Variants in RBFOX1 observed in about 807,000 individuals in gnomAD.
RBFOX1 encodes the protein RNA binding protein fox-1 homolog 1.
RBFOX1 carries 8 observed loss-of-function variants against 57.7 expected under a neutral mutation model. The ratio of observed to expected loss-of-function variants is 0.14; its 90% CI spans 0.08 to 0.25. The LOEUF (loss-of-function observed/expected upper bound fraction) is 0.25. RBFOX1 is among the 10% of genes least tolerant of loss of function. The probability of loss-of-function intolerance (pLI) is 1.00; values close to 1 mark genes in which losing one functional copy is unlikely to be tolerated. For missense variants in RBFOX1, 611 were observed against 548.5 expected (o/e 1.11, Z -1.14); for synonymous variants, 326 against 222.4 (o/e 1.47, Z -4.15).
At chr16:5,325,863 A>G (rs1181182289) in intron 1 of RBFOX1, among the ~76,000 whole-genome samples, 1 of 152,198 alleles carries the variant, frequency 6.6e-6, no homozygotes, top group East Asian at 1.9e-4. Context: ...GTTTTTGGCA[A>G]TTTGAAATAG....
At chr16:6,599,202 G>T (rs554894515) in intron 2 of RBFOX1, among the ~76,000 whole-genome samples, 1 of 152,038 alleles carries the variant, frequency 6.6e-6, no homozygotes, top group South Asian at 2.1e-4. Context: ...ATCCAAAGAC[G>T]TGTTGCAAAT....
chr16:5,445,886 T>G (rs1479934663), intron 1 of RBFOX1, among the ~76,000 whole-genome samples: 1 of 152,246 alleles, frequency 6.6e-6, no homozygotes, highest in Admixed American at 6.5e-5. Context: ...CAGGGTTAGT[T>G]CTTTTTCTTT....
intron 5 of RBFOX1, among the ~76,000 whole-genome samples, chr16:7,543,740 T>G (rs957960260): frequency 1.3e-5 from 2 of 151,600 alleles, no homozygotes; most frequent in African/African-American, 4.9e-5. Flanking sequence ...ATATATTTAT[T>G]TTTTTCAAAT....
intron 4 of RBFOX1, among the ~76,000 whole-genome samples, chr16:5,979,561 C>T (rs7194775): frequency 0.71 from 108,532 of 152,130 alleles, 40,542 homozygotes; most frequent in East Asian, 0.94. Context: ...AGTTTCACCA[C>T]GTAGAAATTA....
At chr16:5,858,679 T>G (rs1469630364) in intron 3 of RBFOX1, among the ~76,000 whole-genome samples, 1 of 152,224 alleles carries the variant, frequency 6.6e-6, no homozygotes, top group East Asian at 1.9e-4. Context: ...AGAAACCTTG[T>G]GCGTTTTCTA....
intron 1 of RBFOX1, among the ~76,000 whole-genome samples, chr16:5,439,694 C>G (rs1042453776): frequency 6.6e-6 from 1 of 152,130 alleles, no homozygotes; most frequent in African/African-American, 2.4e-5. Context: ...ATTCACCCGC[C>G]TTGACCTCCC....
intron 3 of RBFOX1, among the ~76,000 whole-genome samples, chr16:6,849,392 G>C (rs2093944785): frequency 6.6e-6 from 1 of 152,196 alleles, no homozygotes. Flanking sequence ...GGCCTGGCTG[G>C]GTGTGGTGGC....
At chr16:7,072,768 T>G (rs140980839) in intron 4 of RBFOX1, among the ~76,000 whole-genome samples, 1 of 152,262 alleles carries the variant, frequency 6.6e-6, no homozygotes, top group Non-Finnish European at 1.5e-5. Context: ...CACAGAGCTG[T>G]GATCCTTCAG....
At chr16:6,935,041 A>G (rs746050197) in intron 3 of RBFOX1, among the ~76,000 whole-genome samples, 16 of 152,210 alleles carry the variant, frequency 1.1e-4, no homozygotes, top group South Asian at 4.2e-4. Context: ...CAGTGAGACA[A>G]GATCGTTCCA....
At chr16:5,434,317 CTTT>C (rs5815245) in intron 1 of RBFOX1, among the ~76,000 whole-genome samples, 4 of 79,728 alleles carry the variant, frequency 5.0e-5, no homozygotes, top group Non-Finnish European at 6.7e-5. Context: ...TGCTGAAGTC[CTTT>C]TTTTTTTTTT....
intron 3 of RBFOX1, among the ~76,000 whole-genome samples, chr16:7,031,917 G>A (rs1290951355): frequency 6.6e-6 from 1 of 152,032 alleles, no homozygotes; most frequent in Admixed American, 6.6e-5. Context: ...AATTACGGAG[G>A]CCCTGCTTTC....
intron 1 of RBFOX1, among the ~76,000 whole-genome samples, chr16:6,105,903 A>G (rs1368491974): frequency 6.6e-6 from 1 of 152,156 alleles, no homozygotes; most frequent in Non-Finnish European, 1.5e-5. Context: ...ATATTCTTCA[A>G]AAAGATAAAC....
chr16:7,385,762 G>T (rs973278078), intron 4 of RBFOX1, among the ~76,000 whole-genome samples: 1 of 151,438 alleles, frequency 6.6e-6, no homozygotes. Flanking sequence ...TAAGGTTTTT[G>T]GTTTTTTTCG....
At chr16:5,859,941 T>C (rs1253923486) in intron 3 of RBFOX1, among the ~76,000 whole-genome samples, 2 of 152,204 alleles carry the variant, frequency 1.3e-5, no homozygotes, top group South Asian at 2.1e-4. Flanking sequence ...TCAGGAAGAC[T>C]GGAAGCCTGG....
At chr16:5,261,643 G>A (rs935590166) in intron 1 of RBFOX1, among the ~76,000 whole-genome samples, 3 of 145,408 alleles carry the variant, frequency 2.1e-5, no homozygotes, top group Non-Finnish European at 3.0e-5. Context: ...TCCGCCTCCC[G>A]GGTTCATGCC....
chr16:5,429,075 G>A (rs2067651074), intron 1 of RBFOX1, among the ~76,000 whole-genome samples: 1 of 152,064 alleles, frequency 6.6e-6, no homozygotes, highest in Non-Finnish European at 1.5e-5. Flanking sequence ...GTGGCGAAGG[G>A]GACCAGGAAA....
chr16:5,823,772 A>T (rs982893118), intron 3 of RBFOX1, among the ~76,000 whole-genome samples: 2 of 152,248 alleles, frequency 1.3e-5, no homozygotes, highest in Admixed American at 1.3e-4. Context: ...ACTGTCTCCC[A>T]TCACCCCCAG....
At chr16:6,156,276 TC>T (rs1416450704) in intron 1 of RBFOX1, among the ~76,000 whole-genome samples, 3 of 152,156 alleles carry the variant, frequency 2.0e-5, no homozygotes, top group Non-Finnish European at 4.4e-5. Flanking sequence ...CTCTCCTGCT[TC>T]CCCCACAGCT....
chr16:6,551,103 T>G (rs1053843740), intron 2 of RBFOX1, among the ~76,000 whole-genome samples: 8 of 152,138 alleles, frequency 5.3e-5, no homozygotes, highest in African/African-American at 1.9e-4. Context: ...TGGCTCTGCG[T>G]TTTGGGTTAC....
Sources: gnomAD v4.1 joint callset for allele counts (sites outside exome capture counted in the v4.1 genomes callset) on GRCh38, gnomAD v4.1.1 for gene constraint, MANE v1.5 for transcripts, NCBI Gene and HGNC (gene_info 2026-07-23, HGNC 2026-07-21) for gene names.